Variants in PALLD observed in about 807,000 individuals in gnomAD.
The protein encoded by PALLD is palladin.
A neutral mutation model predicts 123.5 loss-of-function variants in PALLD; 61 were observed. The observed-to-expected ratio is 0.49, with a 90% CI of 0.40 to 0.61. PALLD has a LOEUF of 0.61. PALLD is among the 20% of genes least tolerant of loss of function. PALLD has a pLI of 0.00. For missense variants in PALLD, 1,273 were observed against 1,377.0 expected (o/e 0.92, Z 1.20); for synonymous variants, 465 against 496.4 (o/e 0.94, Z 0.84).
intron 10 of PALLD, among the ~76,000 whole-genome samples, chr4:168,843,497 C>T (rs1400176817): frequency 2.6e-5 from 4 of 152,044 alleles, no homozygotes; most frequent in Non-Finnish European, 4.4e-5. Flanking sequence ...GATATAATGC[C>T]GCAGTCATAG....
chr4:168,889,646 A>T (rs780532767), intron 10 of PALLD, among the ~76,000 whole-genome samples: 1 of 152,074 alleles, frequency 6.6e-6, no homozygotes, highest in Non-Finnish European at 1.5e-5. Context: ...GGTAACTGCT[A>T]CCCTGAATTT....
At chr4:168,909,902 ACTT>A (rs982146948) in intron 15 of PALLD, among the ~76,000 whole-genome samples, 20 of 152,084 alleles carry the variant, frequency 1.3e-4, no homozygotes. Context: ...AAATTATACA[ACTT>A]CTTAGTTTGG....
chr4:168,598,481 A>G, intron 2 of PALLD: 1 of 569,130 alleles, frequency 1.8e-6, no homozygotes, highest in South Asian at 1.5e-5. Flanking sequence ...GTTAGCAGAG[A>G]GAGAAGAACT....
intron 13 of PALLD, among the ~76,000 whole-genome samples, chr4:168,897,382 ATAGT>A (rs1275844930): frequency 3.3e-5 from 5 of 152,232 alleles, no homozygotes; most frequent in South Asian, 2.1e-4. Context: ...AAGAGAAAAC[ATAGT>A]TAAAGTTATC....
At chr4:168,566,343 G>C (rs1768376414) in intron 2 of PALLD, among the ~76,000 whole-genome samples, 1 of 151,994 alleles carries the variant, frequency 6.6e-6, no homozygotes, top group South Asian at 2.1e-4. Flanking sequence ...GTATCACCCA[G>C]GCTGGAATGC....
intron 1 of PALLD, among the ~76,000 whole-genome samples, chr4:168,503,160 AT>A (rs1209431093): frequency 6.6e-6 from 1 of 152,216 alleles, no homozygotes; most frequent in Non-Finnish European, 1.5e-5. Flanking sequence ...TCCTGCTTCC[AT>A]TGGGCTCACA....
At chr4:168,914,631 C>G (rs1227964716) in intron 16 of PALLD, among the ~76,000 whole-genome samples, 1 of 152,184 alleles carries the variant, frequency 6.6e-6, no homozygotes, top group Non-Finnish European at 1.5e-5. Flanking sequence ...AGGATTATTA[C>G]TTCTTAGTAA....
At chr4:168,698,128 A>G (rs549934732) in intron 8 of PALLD, among the ~76,000 whole-genome samples, 1 of 152,334 alleles carries the variant, frequency 6.6e-6, no homozygotes, top group South Asian at 2.1e-4. Context: ...CAGAAAGACA[A>G]ACATCACATG....
intron 10 of PALLD, among the ~76,000 whole-genome samples, chr4:168,785,058 C>CTTTTTTTTTTTTTTTTTTTTT (rs746597278): frequency 3.5e-5 from 3 of 84,830 alleles, no homozygotes; most frequent in South Asian, 5.7e-4. Context: ...CTCCCTTTTG[C>CTTTTTTTTTTTTTTTTTTTTT]TTTTTTTTTT....
At chr4:168,570,038 C>A (rs1768811276) in intron 2 of PALLD, among the ~76,000 whole-genome samples, 1 of 152,022 alleles carries the variant, frequency 6.6e-6, no homozygotes, top group Non-Finnish European at 1.5e-5. Flanking sequence ...CTTTATCTAC[C>A]GTGTAAATGT....
At chr4:168,665,262 G>A (rs984057455) in intron 2 of PALLD, among the ~76,000 whole-genome samples, 3 of 152,108 alleles carry the variant, frequency 2.0e-5, no homozygotes, top group African/African-American at 7.2e-5. Flanking sequence ...AGCTCTTGAT[G>A]GGCCTTTCTA....
At chr4:168,918,492 CATA>C (rs999402834) in intron 17 of PALLD, among the ~76,000 whole-genome samples, 1 of 152,016 alleles carries the variant, frequency 6.6e-6, no homozygotes, top group Admixed American at 6.6e-5. Context: ...AAGTTGAACT[CATA>C]GTAGAGAATA....
chr4:168,760,409 A>G (rs1732670348), intron 10 of PALLD, among the ~76,000 whole-genome samples: 1 of 151,910 alleles, frequency 6.6e-6, no homozygotes, highest in Admixed American at 6.6e-5. Context: ...CCTACTTCCA[A>G]ATACCAAATT....
chr4:168,615,022 T>G (rs1306974559), intron 2 of PALLD, among the ~76,000 whole-genome samples: 1 of 152,146 alleles, frequency 6.6e-6, no homozygotes, highest in Non-Finnish European at 1.5e-5. Context: ...GCATGGATAT[T>G]AGGAGGTTCA....
At chr4:168,755,457 G>C (rs922477702) in intron 10 of PALLD, among the ~76,000 whole-genome samples, 1 of 152,066 alleles carries the variant, frequency 6.6e-6, no homozygotes, top group Non-Finnish European at 1.5e-5. Context: ...GAGCTTAAGA[G>C]TAAGAGATGA....
At chr4:168,612,246 T>G in intron 2 of PALLD, among the ~76,000 whole-genome samples, 1 of 118,112 alleles carries the variant, frequency 8.5e-6, no homozygotes, top group South Asian at 2.8e-4. Context: ...CCTTGAAATC[T>G]AGGTTTACAA....
intron 10 of PALLD, among the ~76,000 whole-genome samples, chr4:168,878,938 T>C (rs998303056): frequency 6.6e-6 from 1 of 152,238 alleles, no homozygotes; most frequent in African/African-American, 2.4e-5. Flanking sequence ...AGTTTGGTTA[T>C]TAAGTATATA....
intron 10 of PALLD, among the ~76,000 whole-genome samples, chr4:168,802,469 C>T (rs1458426241): frequency 1.3e-5 from 2 of 152,134 alleles, no homozygotes; most frequent in African/African-American, 2.4e-5. Context: ...TGAATTAACA[C>T]AAGAATGGAA....
chr4:168,849,296 G>T (rs992474840), intron 10 of PALLD, among the ~76,000 whole-genome samples: 1 of 152,236 alleles, frequency 6.6e-6, no homozygotes, highest in African/African-American at 2.4e-5. Flanking sequence ...AAGACTCAGG[G>T]TTATGTTGTT....
Sources: gnomAD v4.1 joint callset for allele counts (sites outside exome capture counted in the v4.1 genomes callset) on GRCh38, gnomAD v4.1.1 for gene constraint, MANE v1.5 for transcripts, NCBI Gene and HGNC (gene_info 2026-07-23, HGNC 2026-07-21) for gene names.